SPINT2: variants seen among roughly 807,000 people sequenced by gnomAD.
The protein encoded by SPINT2 is kunitz-type protease inhibitor 2.
A neutral mutation model predicts 30.1 loss-of-function variants in SPINT2; 18 were observed. The observed-to-expected ratio is 0.60, with a 90% confidence interval of 0.41 to 0.89. The LOEUF is 0.89. Ranked by LOEUF, SPINT2 falls within the 40% of genes least tolerant of loss-of-function variation. The pLI, the probability that SPINT2 is intolerant of heterozygous loss-of-function variation, is 0.00. For synonymous variants in SPINT2, 139 were observed against 137.9 expected (o/e 1.01, Z -0.05); for missense variants, 276 against 334.3 (o/e 0.83, Z 1.36).
chr19:38,279,497 TA>T (rs977918175), intron 1 of SPINT2, among the ~76,000 whole-genome samples: 4 of 150,474 alleles, frequency 2.7e-5, no homozygotes, highest in Non-Finnish European at 4.5e-5. Flanking sequence ...AACTCCATCT[TA>T]AAAAAAAATT....
chr19:38,276,440 GAAACC>G (rs1968518766), intron 1 of SPINT2, among the ~76,000 whole-genome samples: 6 of 152,026 alleles, frequency 3.9e-5, no homozygotes, highest in Admixed American at 3.9e-4. Flanking sequence ...TCAGGAGATC[GAAACC>G]ACTGTGGCTA....
chr19:38,283,833 CTTTTTTTTTTT>C (rs754820019), intron 2 of SPINT2, 36 bp downstream of exon 2: 977 of 939,932 alleles, frequency 1.0e-3, no homozygotes, highest in East Asian at 3.4e-3. Flanking sequence ...TGTTTTTTTC[CTTTTTTTTTTT>C]TTTTTTTTTT....
intron 1 of SPINT2, among the ~76,000 whole-genome samples, chr19:38,271,916 T>C (rs927337535): frequency 3.3e-5 from 5 of 152,084 alleles, no homozygotes; most frequent in African/African-American, 1.2e-4. Flanking sequence ...GTCCATGGCC[T>C]CAGAAGTCCC....
At chr19:38,269,649 C>A (rs1230160626) in intron 1 of SPINT2, among the ~76,000 whole-genome samples, 1 of 141,222 alleles carries the variant, frequency 7.1e-6, no homozygotes, top group Admixed American at 7.7e-5. Flanking sequence ...CTCGCTCTGT[C>A]GCCCAGGCCG....
In SPINT2 at chr19:38,292,165, C is replaced by A; in HGVS notation, c.*159C>A. 1 of 1,033,900 alleles carries A rather than the reference C, an allele frequency of 9.7e-7. No homozygotes were observed. The highest frequency in any genetic ancestry group is 1.4e-6 in the Non-Finnish European group (1 of 708,116). The allele number at this position is 1,033,900 out of a possible 1,614,324, so 64.0% of individuals were successfully genotyped here. ...TCCTGGTCTGGCAGGGATGGGTTTG[C>A]TTTGGAAATCCTCTAGGAGGCTCCT... On this transcript the variant is annotated 3_prime_UTR_variant, in exon 7 of 7. Transcript: ENST00000301244.
intron 1 of SPINT2, among the ~76,000 whole-genome samples, chr19:38,270,221 G>T (rs971939172): frequency 2.0e-5 from 3 of 152,200 alleles, no homozygotes; most frequent in Admixed American, 6.5e-5. Context: ...TGACAGAAGA[G>T]CTAAAGTAAA....
At position 38,264,856 on chromosome 19, in the gene SPINT2, C is replaced by G; in HGVS notation, c.-37C>G. 6.5e-7 allele frequency: 1 copy of G among 1,527,330 alleles called. No individual in the cohort carries two copies. Among genetic ancestry groups the G allele is most frequent in the East Asian group, 2.5e-5 (1 of 40,682 alleles). 94.6% of individuals were successfully genotyped at this position (1,527,330 alleles called of 1,614,324 possible). ...GCACCTGATCGCGAGACCCCAACGG[C>G]TGGTGGCGTCGCCTGCGCGTCTCGG... On this transcript the variant is annotated 5_prime_UTR_variant, in exon 1 of 7. Transcript: ENST00000301244.
In SPINT2 at chr19:38,290,789, C is replaced by A; in HGVS notation, c.592+214C>A. The A allele has an allele frequency of 1.4e-6, 1 of 690,866 alleles. No individual in the cohort carries two copies. The highest frequency in any genetic ancestry group is 1.7e-5 in the South Asian group (1 of 57,908). 42.8% of individuals were successfully genotyped at this position (690,866 alleles called of 1,614,324 possible). A position where few individuals can be genotyped will look rare whatever the true frequency, so the allele number is the denominator to read the frequency against. ...GGAGTGAGTCAGTCACAAGGCAGGCCCTGCCCAGGCGGCGTGGGTGACTGG... is the reference window on the plus strand; with the variant it reads ...GGAGTGAGTCAGTCACAAGGCAGGCACTGCCCAGGCGGCGTGGGTGACTGG... On this transcript the variant is annotated intron_variant, in intron 6 of 6. Coordinates refer to ENST00000301244, the MANE Select transcript of SPINT2 (RefSeq NM_021102.4). This position sits in a 1 kb window ranked among gnomAD's most constrained non-coding sequence, Gnocchi z 4.3.
intron 3 of SPINT2, chr19:38,288,729 G>C (rs1182259158): frequency 4.2e-6 from 1 of 239,730 alleles, no homozygotes; most frequent in Non-Finnish European, 8.4e-6. Context: ...GCTAGGCCTG[G>C]AGTCCTGTGC....
intron 1 of SPINT2, among the ~76,000 whole-genome samples, chr19:38,276,455 A>G (rs1260180731): frequency 1.3e-5 from 2 of 152,036 alleles, no homozygotes; most frequent in Non-Finnish European, 2.9e-5. Context: ...CACTGTGGCT[A>G]ACATGGTGAA....
chr19:38,270,403 G>A (rs887402917), intron 1 of SPINT2, among the ~76,000 whole-genome samples: 1 of 152,158 alleles, frequency 6.6e-6, no homozygotes, highest in Admixed American at 6.5e-5. Context: ...CCCACCAATT[G>A]CCAGGCACTG....
chr19:38,290,660 CAT>C lies in SPINT2; in HGVS notation c.592+86_592+87del. ...CTCAGCCCTGCCCAGCTGTGGTTTACATTATCCTTCACTGTGAACATCATCTT... is the reference window on the plus strand; with the variant it reads ...CTCAGCCCTGCCCAGCTGTGGTTTACTATCCTTCACTGTGAACATCATCTT... On this transcript the variant is annotated intron_variant, in intron 6 of 6. Coordinates refer to ENST00000301244, the MANE Select transcript of SPINT2 (RefSeq NM_021102.4). This position sits in a 1 kb window ranked among gnomAD's most constrained non-coding sequence, Gnocchi z 4.3. The C allele has an allele frequency of 6.7e-7, 1 of 1,502,916 alleles. No individual in the cohort carries two copies. Among genetic ancestry groups the C allele is most frequent in the South Asian group, 1.2e-5 (1 of 84,650 alleles). 93.1% of individuals were successfully genotyped at this position (1,502,916 alleles called of 1,614,324 possible).
At chr19:38,265,027 GGGGCGCA>G in intron 1 of SPINT2, 29 bp downstream of exon 1, 1 of 1,517,506 alleles carries the variant, frequency 6.6e-7, no homozygotes, top group Non-Finnish European at 8.8e-7. Context: ...GGCTGGAGGC[GGGGCGCA>G]GGGGGCAGAG....
At chr19:38,277,338 C>T (rs550633908) in intron 1 of SPINT2, among the ~76,000 whole-genome samples, 13 of 152,112 alleles carry the variant, frequency 8.5e-5, no homozygotes, top group African/African-American at 2.2e-4. Context: ...CTCTGCCTCC[C>T]GGTACAGGTG....
chr19:38,280,631 A>G (rs1362726290), intron 1 of SPINT2, among the ~76,000 whole-genome samples: 1 of 152,092 alleles, frequency 6.6e-6, no homozygotes, highest in East Asian at 1.9e-4. Context: ...TCCATCCCTC[A>G]ATAGGCATTT....
chr19:38,273,774 T>A (rs1968483492), intron 1 of SPINT2, among the ~76,000 whole-genome samples: 1 of 152,198 alleles, frequency 6.6e-6, no homozygotes. Context: ...GTTGTACTTT[T>A]GGCCTTCCCT....
intron 1 of SPINT2, among the ~76,000 whole-genome samples, chr19:38,281,360 C>T (rs1194268020): frequency 2.0e-5 from 3 of 152,034 alleles, no homozygotes; most frequent in African/African-American, 4.8e-5. Flanking sequence ...CTTCAGTGAG[C>T]CATGGTCCTG....
In SPINT2 at chr19:38,292,201, C is replaced by T. The variant is rs1165841467; in HGVS notation, c.*195C>T. ...CTCTAGGAGGCTCCTCCTCGCATGG[C>T]CTGCAGTCTGGCAGCAGCCCCGAGT... On this transcript the variant is annotated 3_prime_UTR_variant, in exon 7 of 7. Transcript: ENST00000301244. 8.9e-6 allele frequency: 6 copies of T among 673,012 alleles called. No individual in the cohort carries two copies. Among genetic ancestry groups the T allele is most frequent in the Non-Finnish European group, 1.5e-5 (6 of 404,038 alleles). The allele number at this position is 673,012 out of a possible 1,614,324, so 41.7% of individuals were successfully genotyped here.
chr19:38,282,755 G>T (rs1968594039), intron 1 of SPINT2, among the ~76,000 whole-genome samples: 1 of 152,220 alleles, frequency 6.6e-6, no homozygotes, highest in South Asian at 2.1e-4. Flanking sequence ...CATGGGCTGG[G>T]CTGCAGGCAC....
Sources: allele counts gnomAD v4.1 joint callset (sites outside exome capture counted in the v4.1 genomes callset), GRCh38; gene constraint gnomAD v4.1.1; non-coding constraint Gnocchi (gnomAD v3.1); transcripts MANE v1.5; gene names NCBI Gene and HGNC (gene_info 2026-07-23, HGNC 2026-07-21).